Variants in NCOA1 observed in about 807,000 individuals in gnomAD.
NCOA1 encodes nuclear receptor coactivator 1.
Under a neutral mutation model 150.9 loss-of-function variants are expected in NCOA1, and 35 were observed. That is an observed-to-expected ratio of 0.23 (90% confidence interval 0.18 to 0.31). The LOEUF is 0.31. NCOA1 is among the 10% of genes least tolerant of loss of function. The pLI is 1.00. For synonymous variants in NCOA1, 590 were observed against 630.0 expected (o/e 0.94, Z 0.95); for missense variants, 1,491 against 1,749.3 (o/e 0.85, Z 2.63).
In NCOA1 at chr2:24,675,556, A is replaced by G. The variant is rs1246906541; in HGVS notation, c.354+2093A>G. ...AAAATTTCCCAGAGGAAATCCGAGT[A>G]TTCTTTACTAGGGGAAAAGATGATC... On this transcript the variant is annotated intron_variant, in intron 7 of 22. Transcript: ENST00000348332. Among the ~76,000 whole-genome samples the G allele has an allele frequency of 2.0e-5, 3 of 152,328 alleles. No individual in the cohort carries two copies. In the East Asian group the frequency reaches 5.8e-4, roughly 29 times the overall value.
chr2:24,654,229 G>A (rs771724482), intron 4 of NCOA1, among the ~76,000 whole-genome samples: 7 of 152,178 alleles, frequency 4.6e-5, no homozygotes, highest in Non-Finnish European at 8.8e-5. Context: ...GCTGTTGCAA[G>A]TCTGGTATAT....
rs1673480629 is a variant in NCOA1 at position 24,707,012 on chromosome 2, A to G, written c.1542A>G (p.Thr514=). ...PNNSFPPNIS[T]LSSPVGMTSS... is the part of the protein sequence containing the mutation. The stretch of plus-strand genomic sequence containing the variant: ...ATTCCTTTCCTCCTAATATTTCGAC[A>G]TTAAGCTCTCCCGTTGGCATGACAA... Residue 514 remains threonine (T), a synonymous_variant, in exon 13 of 23, where the codon ACA becomes ACG. Transcript: ENST00000348332. 5 of 1,614,186 alleles carry G rather than the reference A, an allele frequency of 3.1e-6. No individual in the cohort carries two copies. Among genetic ancestry groups the G allele is most frequent in the Non-Finnish European group, 4.2e-6 (5 of 1,180,018 alleles).
intron 3 of NCOA1, among the ~76,000 whole-genome samples, chr2:24,615,902 G>A (rs1278004671): frequency 2.0e-5 from 3 of 152,152 alleles, no homozygotes; most frequent in African/African-American, 4.8e-5. Flanking sequence ...TACTACAAAG[G>A]TGTTCCATTC....
chr2:24,510,631 C>T (rs143827494), intron 1 of NCOA1, among the ~76,000 whole-genome samples: 114 of 152,232 alleles, frequency 7.5e-4, no homozygotes, highest in African/African-American at 2.6e-3. Context: ...GGATTACAGG[C>T]GTGAGCCACT....
intron 19 of NCOA1, among the ~76,000 whole-genome samples, chr2:24,751,538 G>A (rs1456112619): frequency 7.3e-5 from 11 of 150,156 alleles, no homozygotes; most frequent in African/African-American, 7.4e-5. Context: ...AGCCAAGATC[G>A]CACCACTGCA....
chr2:24,673,722 T>G (rs761010095), intron 7 of NCOA1, among the ~76,000 whole-genome samples: 1 of 152,186 alleles, frequency 6.6e-6, no homozygotes, highest in Non-Finnish European at 1.5e-5. Flanking sequence ...TGGCTTTGCC[T>G]TTTATTTCTG....
chr2:24,578,753 G>A (rs949249661), intron 2 of NCOA1, among the ~76,000 whole-genome samples: 1 of 151,972 alleles, frequency 6.6e-6, no homozygotes, highest in Non-Finnish European at 1.5e-5. Context: ...CTAAGGGCAT[G>A]GATTAATGAT....
At chr2:24,618,633 C>G (rs1668980271) in intron 3 of NCOA1, among the ~76,000 whole-genome samples, 2 of 152,154 alleles carry the variant, frequency 1.3e-5, no homozygotes, top group African/African-American at 4.8e-5. Context: ...GATTTGAACT[C>G]AGGCCTTCAC....
chr2:24,720,471 C>G (rs979887423), intron 14 of NCOA1, among the ~76,000 whole-genome samples: 1 of 152,152 alleles, frequency 6.6e-6, no homozygotes, highest in Non-Finnish European at 1.5e-5. Flanking sequence ...GAGTACAGCT[C>G]CATAAGTGAA....
chr2:24,554,163 G>A (rs1665974183), intron 1 of NCOA1, among the ~76,000 whole-genome samples: 1 of 151,996 alleles, frequency 6.6e-6, no homozygotes, highest in Non-Finnish European at 1.5e-5. Context: ...GTGTTTCATA[G>A]ATACCTCTAT....
At chr2:24,629,817 C>CATACATATATATATAT (rs1553439183) in intron 3 of NCOA1, among the ~76,000 whole-genome samples, 1 of 79,342 alleles carries the variant, frequency 1.3e-5, no homozygotes, top group African/African-American at 4.5e-5. Context: ...AACATACATA[C>CATACATATATATATAT]ATATATATAT....
At chr2:24,751,240 A>G (rs1253602324) in intron 19 of NCOA1, among the ~76,000 whole-genome samples, 1 of 149,082 alleles carries the variant, frequency 6.7e-6, no homozygotes, top group Non-Finnish European at 1.5e-5. Context: ...TGCTGGGATT[A>G]CAGGCGTGAG....
intron 2 of NCOA1, among the ~76,000 whole-genome samples, chr2:24,573,059 A>G (rs1192844447): frequency 6.6e-6 from 1 of 152,168 alleles, no homozygotes. Flanking sequence ...GTTGAGAGGT[A>G]CTCAATTTAA....
chr2:24,749,153 A>G (rs1459544872), intron 19 of NCOA1, among the ~76,000 whole-genome samples: 1 of 152,230 alleles, frequency 6.6e-6, no homozygotes, highest in Non-Finnish European at 1.5e-5. Context: ...GACCAGAGTT[A>G]CTTTCCCATC....
chr2:24,729,947 G>C (rs1662907296), intron 17 of NCOA1, 132 bp downstream of exon 17: 1 of 896,718 alleles, frequency 1.1e-6, no homozygotes. Flanking sequence ...CCAGGTTCAA[G>C]CAATTCTCCT....
At chr2:24,558,713 G>A (rs1167747093) in intron 1 of NCOA1, among the ~76,000 whole-genome samples, 1 of 152,168 alleles carries the variant, frequency 6.6e-6, no homozygotes, top group Non-Finnish European at 1.5e-5. Flanking sequence ...TTATTGCAAG[G>A]CCACCAAATT....
At chr2:24,560,121 G>GGT (rs1666239735) in intron 1 of NCOA1, among the ~76,000 whole-genome samples, 1 of 152,150 alleles carries the variant, frequency 6.6e-6, no homozygotes, top group Admixed American at 6.5e-5. Flanking sequence ...AAGGCACGTG[G>GGT]AAAATCTTGC....
chr2:24,557,114 A>G (rs1451032782), intron 1 of NCOA1, among the ~76,000 whole-genome samples: 1 of 148,352 alleles, frequency 6.7e-6, no homozygotes, highest in Non-Finnish European at 1.5e-5. Context: ...CCCAATTGTG[A>G]CAACCAAAAA....
intron 14 of NCOA1, among the ~76,000 whole-genome samples, chr2:24,712,159 C>A (rs375364666): frequency 6.6e-6 from 1 of 152,176 alleles, no homozygotes. Context: ...AACAGTCTTA[C>A]CTCAAGGAAG....
Sources: gnomAD v4.1 joint callset for allele counts (sites outside exome capture counted in the v4.1 genomes callset) on GRCh38, gnomAD v4.1.1 for gene constraint, MANE v1.5 for transcripts, NCBI Gene and HGNC (gene_info 2026-07-23, HGNC 2026-07-21) for gene names.